The following ANKRD35 variants were observed in gnomAD, a reference collection of about 807,000 sequenced individuals.
ANKRD35 encodes the protein ankyrin repeat domain 35.
A neutral mutation model predicts 109.9 loss-of-function variants in ANKRD35; 102 were observed. The observed-to-expected ratio is 0.93, with a 90% CI of 0.79 to 1.09. The LOEUF (loss-of-function observed/expected upper bound fraction) is 1.09. Ranked by LOEUF, ANKRD35 falls within the 50% of genes least tolerant of loss-of-function variation. The pLI, the probability that ANKRD35 is intolerant of heterozygous loss-of-function variation, is 0.00. For missense variants in ANKRD35, 1,240 were observed against 1,230.1 expected, an observed-to-expected ratio of 1.01 and a Z score of -0.12; for synonymous variants, 515 against 512.4, an observed-to-expected ratio of 1.01 and a Z score of -0.07.
Position 145,872,067 on chromosome 1 carries a change from C to G in ANKRD35, c.2702G>C (p.Arg901Pro). 1.2e-6 allele frequency: 2 copies of G among 1,613,582 alleles called. No homozygotes were observed. The highest frequency in any genetic ancestry group is 1.7e-6 in the Non-Finnish European group (2 of 1,179,900). ...TGCCGTTTTCTCAAACTGCTCGGAG[C>G]GCCCCCGCATCTCGCTGGCCTGGCG... The part of the protein sequence containing the change: ...QERQASEMRG[R>P]SEQFEKTAEL... Residue 901 changes from arginine (R) to proline (P), a missense_variant, in exon 10 of 14, where the codon CGC (arginine) becomes CCC (proline). Physicochemically the swap from Arg to Pro is moderately radical, Grantham distance 103. Coordinates refer to ENST00000355594, the MANE Select transcript of ANKRD35 (RefSeq NM_144698.5).
At position 145,874,987 on chromosome 1, in the gene ANKRD35, A is replaced by G. The variant is rs146839643; in HGVS notation, c.580T>C (p.Cys194Arg). Reference protein sequence around the residue: ...KNDKSALILACEKGSAEVAEL... With the variant: ...KNDKSALILAREKGSAEVAEL... ...GCCACCTCGGCACTGCCTTTCTCAC[A>G]GGCCAGGATCAAAGCCGATCTGTGG... The change falls in exon 8 of 14, where the codon TGT (cysteine) becomes CGT (arginine). Residue 194 changes from cysteine to arginine, a missense_variant. By Grantham distance (180) the Cys-to-Arg change is radical (BLOSUM62 -3). Coordinates refer to ENST00000355594, the MANE Select transcript of ANKRD35 (RefSeq NM_144698.5). The G allele has an allele frequency of 4.0e-4, 643 of 1,608,228 alleles. 7 individuals carry two copies. In the East Asian group the frequency reaches 0.013, roughly 32 times the overall value.
intron 1 of ANKRD35, among the ~76,000 whole-genome samples, chr1:145,880,658 T>C (rs984779406): frequency 6.6e-6 from 1 of 152,140 alleles, no homozygotes; most frequent in Admixed American, 6.5e-5. Flanking sequence ...CAAGAGGCTA[T>C]AGAAAGGGGT....
intron 6 of ANKRD35, 142 bp from the exon 7 acceptor site, chr1:145,876,388 A>T: frequency 9.0e-7 from 1 of 1,114,820 alleles, no homozygotes; most frequent in South Asian, 1.4e-5. Flanking sequence ...TTGGAGGGTT[A>T]GAAGCTCTCC....
chr1:145,870,724 C>T (rs942984660), intron 10 of ANKRD35, among the ~76,000 whole-genome samples: 5 of 150,462 alleles, frequency 3.3e-5, no homozygotes, highest in African/African-American at 5.0e-5. Flanking sequence ...ATATATATAA[C>T]GTTTTTTGAG....
chr1:145,882,462 A>ATTTTTTTT (rs781961496), intron 1 of ANKRD35, among the ~76,000 whole-genome samples: 13 of 140,278 alleles, frequency 9.3e-5, no homozygotes, highest in African/African-American at 3.2e-4. Context: ...CACCCAGGTA[A>ATTTTTTTT]TTTTTTTTTT....
rs1653642079 is a variant in ANKRD35, at chr1:145,867,338, C to T, written c.2998G>A (p.Glu1000Lys). 2 of 1,613,962 alleles carry T rather than the reference C, an allele frequency of 1.2e-6. No individual in the cohort carries two copies. The highest frequency in any genetic ancestry group is 1.7e-6 in the Non-Finnish European group (2 of 1,179,924). Residue 1000 changes from glutamate to lysine, a missense_variant, in exon 13 of 14, where the codon GAG becomes AAG. By Grantham distance (56) the Glu-to-Lys change is moderately conservative. Transcript: ENST00000355594. ...CACACAGTGAGGCTGCCTCACTCCT[C>T]TTCCATGCTAAGGATTTGCAGCAGG... ...NILLQILSME[E>K]E
At chr1:145,878,592 G>T in intron 2 of ANKRD35, 113 bp from the exon 3 acceptor site, 3 of 990,222 alleles carry the variant, frequency 3.0e-6, no homozygotes, top group South Asian at 1.6e-5. Flanking sequence ...AATCCTAAAA[G>T]CAGGAAAAGA....
chr1:145,869,474 G>A (rs185155809), intron 10 of ANKRD35, among the ~76,000 whole-genome samples: 5 of 149,746 alleles, frequency 3.3e-5, no homozygotes, highest in Non-Finnish European at 3.0e-5. Flanking sequence ...GAGCCACTGC[G>A]CCCAGCCTGT....
At chr1:145,867,239 C>T (rs1423383940) in intron 13 of ANKRD35, 48 bp downstream of exon 13, 28 of 1,312,154 alleles carry the variant, frequency 2.1e-5, no homozygotes, top group Non-Finnish European at 3.1e-5. Flanking sequence ...CTTTCCCAAG[C>T]CCTTTCTCCC....
intron 10 of ANKRD35, among the ~76,000 whole-genome samples, chr1:145,870,125 C>T (rs1653756225): frequency 6.9e-6 from 1 of 143,908 alleles, no homozygotes; most frequent in Non-Finnish European, 1.5e-5. Flanking sequence ...GAATCTGGCT[C>T]TGTCGCCCAG....
At chr1:145,875,036 C>T in intron 7 of ANKRD35, 30 bp from the exon 8 acceptor site, 2 of 1,553,232 alleles carry the variant, frequency 1.3e-6, no homozygotes, top group Non-Finnish European at 1.7e-6. Context: ...TGAGCACAGA[C>T]TTTCCACATG....
In ANKRD35 at chr1:145,873,310, C is replaced by T; in HGVS notation, c.1459G>A (p.Ala487Thr). The change falls in exon 10 of 14, where the codon GCC becomes ACC. Residue 487 changes from alanine (A) to threonine (T), a missense_variant. Coordinates refer to ENST00000355594, the MANE Select transcript of ANKRD35 (RefSeq NM_144698.5). ...AGTTGAAGCAGAAGCTGGTTCATGGCTGCTGGGCCCACTGGTTCAGCCACT... is the reference window on the plus strand; with the variant it reads ...AGTTGAAGCAGAAGCTGGTTCATGGTTGCTGGGCCCACTGGTTCAGCCACT... Reference protein sequence around the residue: ...GTVAEPVGPAAMNQLLLQLRE... With the variant: ...GTVAEPVGPATMNQLLLQLRE... 6.2e-7 allele frequency: 1 copy of T among 1,614,172 alleles called. No homozygotes were observed. Among genetic ancestry groups the T allele is most frequent in the Non-Finnish European group, 8.5e-7 (1 of 1,180,024 alleles).
In ANKRD35 at chr1:145,874,825, CCCG is replaced by C; in HGVS notation, c.739_741del (p.Arg247del). ...GAAGTTACACAAGGGCCTTTACCGC[CCCG>C]CCGCCGCCGGCTCAGGGCCTGCTGT... is the stretch of plus-strand genomic sequence containing the variant. On this transcript the variant is annotated inframe_deletion, in exon 8 of 14. Coordinates refer to ENST00000355594, the MANE Select transcript of ANKRD35 (RefSeq NM_144698.5). The C allele has an allele frequency of 7.6e-6, 12 of 1,588,704 alleles. No homozygotes were observed. Among genetic ancestry groups the C allele is most frequent in the South Asian group, 5.7e-5 (5 of 86,988 alleles).
In ANKRD35 at chr1:145,873,439, G is replaced by C. The variant is rs782448373; in HGVS notation, c.1330C>G (p.Leu444Val). Residue 444 changes from leucine to valine, a missense_variant, in exon 10 of 14, where the codon CTG becomes GTG. Transcript: ENST00000355594. The part of the protein sequence containing the change: ...ETIRKATGQQ[L>V]TTNGAQTFGP... ...AAGGTCTGTGCCCCATTGGTAGTCA[G>C]TTGCTGTCCTGTGGCTTTCCTGATG... 1 of 1,614,118 alleles carries C rather than the reference G, an allele frequency of 6.2e-7. No homozygotes were observed. Among genetic ancestry groups the C allele is most frequent in the Non-Finnish European group, 8.5e-7 (1 of 1,180,002 alleles).
At chr1:145,884,454 G>A (rs1345476697) in intron 1 of ANKRD35, among the ~76,000 whole-genome samples, 3 of 152,156 alleles carry the variant, frequency 2.0e-5, no homozygotes, top group Non-Finnish European at 2.9e-5. Flanking sequence ...TCTTATGAAC[G>A]ATACTACTAA....
rs1280423357 is a variant in ANKRD35, at chr1:145,866,584, T to G, written c.*225A>C. ...CCCCGTCCTGCCTCATGCTTTATTTTCCATAGAGCTTGTTTCCATCCATAC... is the reference window on the plus strand; with the variant it reads ...CCCCGTCCTGCCTCATGCTTTATTTGCCATAGAGCTTGTTTCCATCCATAC... On this transcript the variant is annotated 3_prime_UTR_variant, in exon 14 of 14. Transcript: ENST00000355594. 1.3e-5 allele frequency: 2 copies of G among 152,002 alleles called. No individual in the cohort carries two copies. The highest frequency in any genetic ancestry group is 4.8e-5 in the African/African-American group (2 of 41,366). The allele number at this position is 152,002 out of a possible 1,614,324, so 9.4% of individuals were successfully genotyped here.
In ANKRD35 at chr1:145,872,239, C is replaced by A; in HGVS notation, c.2530G>T (p.Ala844Ser). 2 of 1,611,106 alleles carry A rather than the reference C, an allele frequency of 1.2e-6. No individual in the cohort carries two copies. The highest frequency in any genetic ancestry group is 1.7e-5 in the Admixed American group (1 of 59,328). Residue 844 changes from alanine to serine, a missense_variant, in exon 10 of 14, where the codon GCC becomes TCC. Physicochemically the swap from Ala to Ser is moderately conservative, Grantham distance 99. Transcript: ENST00000355594. ...TCCTGGCCCCAAGCCTGAGCCTGGG[C>A]CACCAGCGAACCCCGAGTTTTCTCG... ...QHEKTRGSLV[A>S]QAQAWGQELK...
At position 145,873,047 on chromosome 1, in the gene ANKRD35, G is replaced by A. The variant is rs782462060; in HGVS notation, c.1722C>T (p.Ala574=). The change falls in exon 10 of 14, where the codon GCC becomes GCT. Residue 574 remains alanine (A), a synonymous_variant. Transcript: ENST00000355594. The part of the protein sequence containing the change: ...QESREGALKA[A]PGSIKQDEEK... ...CTTCATCCTGTTTGATGCTCCCTGG[G>A]GCTGCCTTTAGGGCTCCCTCTCTGG... is the stretch of plus-strand genomic sequence containing the variant. 6.2e-7 allele frequency: 1 copy of A among 1,611,686 alleles called. No individual in the cohort carries two copies. The highest frequency in any genetic ancestry group is 8.5e-7 in the Non-Finnish European group (1 of 1,178,906).
Position 145,872,845 on chromosome 1 carries a change from G to A in ANKRD35, c.1924C>T (p.Gln642Ter), listed in dbSNP as rs1553739126. 6.2e-7 allele frequency: 1 copy of A among 1,614,058 alleles called. No homozygotes were observed. The highest frequency in any genetic ancestry group is 1.1e-5 in the South Asian group (1 of 91,084). The change falls in exon 10 of 14, where the codon CAG becomes TAG. Residue 642 changes from glutamine (Q) to a stop codon, truncating the protein, a stop_gained. Coordinates refer to ENST00000355594, the MANE Select transcript of ANKRD35 (RefSeq NM_144698.5). LOFTEE classifies it high-confidence loss of function. ...GELGRERQRLQRELQSLSQRL... is the reference protein window; with the variant it reads ...GELGRERQRL The stretch of plus-strand genomic sequence containing the variant: ...TGGCTCAGGGACTGTAGCTCCCTCT[G>A]CAACCTCTGCCGCTCCCGCCCCAAC...
Sources: allele counts gnomAD v4.1 joint callset (sites outside exome capture counted in the v4.1 genomes callset), GRCh38; gene constraint gnomAD v4.1.1; transcripts MANE v1.5; gene names NCBI Gene and HGNC (gene_info 2026-07-23, HGNC 2026-07-21).